Variants in PCDH11X observed in about 807,000 individuals in gnomAD.
PCDH11X encodes protocadherin-11 X-linked.
A neutral mutation model predicts 53.3 loss-of-function variants in PCDH11X; 18 were observed. That is an observed-to-expected ratio of 0.34 (90% CI 0.23 to 0.50). The LOEUF (loss-of-function observed/expected upper bound fraction) is 0.50, where lower values mean the gene tolerates loss of function less well. Among genes scored for constraint, PCDH11X ranks in the 20% least tolerant of loss-of-function variants. The pLI is 0.98. For synonymous variants in PCDH11X, 279 were observed against 393.3 expected (o/e 0.71, Z 3.44); for missense variants, 570 against 1,032.4 (o/e 0.55, Z 6.14).
intron 6 of PCDH11X, among the ~76,000 whole-genome samples, chrX:92,052,185 T>G (rs1431101829): frequency 1.8e-5 from 2 of 111,810 alleles, no homozygotes; most frequent in African/African-American, 6.5e-5. Context: ...ATCTGACCCT[T>G]GGTTTGAAAT....
chrX:91,803,763 C>G (rs1936010448), intron 1 of PCDH11X, among the ~76,000 whole-genome samples: 1 of 111,801 alleles, frequency 8.9e-6, no homozygotes. Flanking sequence ...ATTCTAATAA[C>G]TGATTACATT....
intron 7 of PCDH11X, among the ~76,000 whole-genome samples, chrX:92,202,387 G>C (rs1392530325): frequency 9.0e-6 from 1 of 111,307 alleles, no homozygotes; most frequent in Non-Finnish European, 1.9e-5. Context: ...TTATTGGGAA[G>C]CTGCTGATCA....
chrX:92,015,767 C>CG (rs1381543263), intron 6 of PCDH11X, among the ~76,000 whole-genome samples: 3 of 111,587 alleles, frequency 2.7e-5, no homozygotes, highest in Non-Finnish European at 5.6e-5. Flanking sequence ...CATCCATGAG[C>CG]GGGGGAATCA....
rs185174251 is a variant in PCDH11X at position 91,834,260 on chromosome X, C to T, written c.-44-1201C>T. Among the ~76,000 whole-genome samples the T allele has an allele frequency of 3.9e-3, 435 of 110,606 alleles. 3 individuals carry two copies. The highest frequency in any genetic ancestry group is 0.014 in the African/African-American group (418 of 30,592). On this transcript the variant is annotated intron_variant, in intron 4 of 10. Transcript: ENST00000682573. ...AATAGAGAATAAGAATTGAGAATTA[C>T]GAAAGGAAACTGAAGATAAAATTTG...
In PCDH11X at chrX:92,622,347, A is replaced by G. The variant is rs1928572695; in HGVS notation, c.*3407A>G. Reference sequence around the variant, plus strand: ...TCACACACACAAAAAATCCTTTTCAATCCTGAGAAAATTAAAGGCGTTTTA... The same window carrying G: ...TCACACACACAAAAAATCCTTTTCAGTCCTGAGAAAATTAAAGGCGTTTTA... On this transcript the variant is annotated 3_prime_UTR_variant, in exon 11 of 11. Transcript: ENST00000682573. 9.0e-6 allele frequency: 1 copy of G among 110,608 alleles called. No homozygotes were observed. Among genetic ancestry groups the G allele is most frequent in the Non-Finnish European group, 1.9e-5 (1 of 52,735 alleles). 9.1% of individuals were successfully genotyped at this position (110,608 alleles called of 1,213,427 possible). A position where few individuals can be genotyped will look rare whatever the true frequency, so the allele number is the denominator to read the frequency against.
chrX:92,141,806 T>A (rs922547481), intron 6 of PCDH11X, among the ~76,000 whole-genome samples: 1 of 111,692 alleles, frequency 9.0e-6, no homozygotes, highest in African/African-American at 3.2e-5. Context: ...AAACTTGATA[T>A]AGTTAATTCC....
At chrX:92,231,208 T>C (rs2067069672) in intron 7 of PCDH11X, among the ~76,000 whole-genome samples, 1 of 111,538 alleles carries the variant, frequency 9.0e-6, no homozygotes, top group Admixed American at 9.6e-5. Flanking sequence ...TAGATGGGAA[T>C]ATTTTTTTGG....
At chrX:92,369,348 C>T (rs931892339) in intron 8 of PCDH11X, among the ~76,000 whole-genome samples, 8 of 111,017 alleles carry the variant, frequency 7.2e-5, no homozygotes, top group African/African-American at 1.6e-4. Context: ...TCAGTAATGG[C>T]GGATGCCCCT....
chrX:91,860,652 A>T (rs1269661065), intron 5 of PCDH11X, among the ~76,000 whole-genome samples: 1 of 111,865 alleles, frequency 8.9e-6, no homozygotes, highest in Non-Finnish European at 1.9e-5. Flanking sequence ...TAGCTAGTTC[A>T]TTGAGAGTTT....
chrX:92,008,049 C>T (rs1443872537), intron 6 of PCDH11X, among the ~76,000 whole-genome samples: 1 of 110,683 alleles, frequency 9.0e-6, no homozygotes, highest in Non-Finnish European at 1.9e-5. Flanking sequence ...CCCACCCTTC[C>T]TTCTCCTCTC....
At chrX:92,533,584 A>C (rs899236186) in intron 10 of PCDH11X, among the ~76,000 whole-genome samples, 11 of 108,842 alleles carry the variant, frequency 1.0e-4, no homozygotes, top group African/African-American at 3.7e-4. Context: ...CAAGCACTTA[A>C]ATTTTAGTGG....
intron 9 of PCDH11X, among the ~76,000 whole-genome samples, chrX:92,458,600 A>C (rs774206897): frequency 9.0e-6 from 1 of 111,478 alleles, no homozygotes; most frequent in East Asian, 2.8e-4. Context: ...ATTTTTTTTT[A>C]GCTGCCATAT....
intron 6 of PCDH11X, among the ~76,000 whole-genome samples, chrX:92,139,412 A>T (rs2148213323): frequency 9.3e-6 from 1 of 107,363 alleles, no homozygotes; most frequent in East Asian, 3.0e-4. Flanking sequence ...AGTAGCTGGG[A>T]TTATAGGCAC....
intron 9 of PCDH11X, among the ~76,000 whole-genome samples, chrX:92,391,474 A>G (rs140822348): frequency 0.013 from 1,475 of 110,410 alleles, 26 homozygotes; most frequent in African/African-American, 0.046. Context: ...TAAACACATT[A>G]AACTATGTAT....
chrX:92,036,904 T>G (rs1364296281), intron 6 of PCDH11X, among the ~76,000 whole-genome samples: 1 of 111,437 alleles, frequency 9.0e-6, no homozygotes, highest in African/African-American at 3.3e-5. Flanking sequence ...AGGAACTTAT[T>G]GGGAACTGGA....
intron 5 of PCDH11X, among the ~76,000 whole-genome samples, chrX:91,860,058 G>A (rs1432901609): frequency 1.8e-5 from 2 of 108,975 alleles, no homozygotes; most frequent in Non-Finnish European, 3.8e-5. Flanking sequence ...GGGCAGTGTG[G>A]ACATTTTGAC....
intron 10 of PCDH11X, among the ~76,000 whole-genome samples, chrX:92,536,510 A>ATTTTTAAGT (rs1297556224): frequency 1.8e-5 from 2 of 110,625 alleles, no homozygotes; most frequent in African/African-American, 6.6e-5. Context: ...TGGTAGCTGC[A>ATTTTTAAGT]TTTTTAAGTT....
chrX:92,522,099 G>T (rs1267288750), intron 10 of PCDH11X, among the ~76,000 whole-genome samples: 1 of 112,137 alleles, frequency 8.9e-6, no homozygotes, highest in Non-Finnish European at 1.9e-5. Flanking sequence ...CTTGTCCTTT[G>T]CAGTCACAAC....
intron 9 of PCDH11X, among the ~76,000 whole-genome samples, chrX:92,407,165 G>A (rs1414481908): frequency 9.3e-6 from 1 of 107,869 alleles, no homozygotes; most frequent in Non-Finnish European, 1.9e-5. Flanking sequence ...ATTGGCATAT[G>A]TAAGTTTAGT....
Sources: allele counts gnomAD v4.1 joint callset (sites outside exome capture counted in the v4.1 genomes callset), GRCh38; gene constraint gnomAD v4.1.1; transcripts MANE v1.5; gene names NCBI Gene and HGNC (gene_info 2026-07-23, HGNC 2026-07-21).